Variants in CLTCL1 observed in about 807,000 individuals in gnomAD.
CLTCL1 encodes clathrin heavy chain like 1, also known as clathrin heavy chain 2.
CLTCL1 carries 159 observed loss-of-function variants against 190.0 expected under a neutral mutation model. That is an observed-to-expected ratio of 0.84 (90% CI 0.74 to 0.95). The LOEUF is 0.95. Ranked by LOEUF, CLTCL1 falls within the 40% of genes least tolerant of loss-of-function variation. The pLI, the probability that CLTCL1 is intolerant of heterozygous loss-of-function variation, is 0.00. For missense variants in CLTCL1, 1,878 were observed against 2,033.4 expected (o/e 0.92, Z 1.47); for synonymous variants, 752 against 769.6 (o/e 0.98, Z 0.38).
chr22:19,272,471 T>C (rs1266009733), intron 2 of CLTCL1, among the ~76,000 whole-genome samples: 1 of 152,084 alleles, frequency 6.6e-6, no homozygotes, highest in Non-Finnish European at 1.5e-5. Flanking sequence ...GTTTCGCTCT[T>C]TTTTGTTTGT....
chr22:19,221,572 C>T lies in CLTCL1; in HGVS notation c.2601G>A (p.Gln867=). The change falls in exon 17 of 33, where the codon CAG becomes CAA. Residue 867 remains glutamine (Q), a synonymous_variant. Coordinates refer to ENST00000427926, the MANE Select transcript of CLTCL1 (RefSeq NM_007098.4). ...LLLPWLESQI[Q]EGCEEPATHN... ...GAGTGGCAGGCTCCTCACAGCCTTC[C>T]TGAATCTGGGACTCCAGCCAGGGAA... 1 of 1,599,986 alleles carries T rather than the reference C, an allele frequency of 6.3e-7. No homozygotes were observed. Among genetic ancestry groups the T allele is most frequent in the Non-Finnish European group, 8.5e-7 (1 of 1,173,124 alleles).
rs534309808 is a variant in CLTCL1 at position 19,237,461 on chromosome 22, G to A, written c.796-1592C>T. Among the ~76,000 whole-genome samples the A allele has an allele frequency of 5.3e-5, 8 of 152,276 alleles. No homozygotes were observed. In the East Asian group the frequency reaches 1.3e-3, roughly 26 times the overall value. On this transcript the variant is annotated intron_variant, in intron 5 of 32. Coordinates refer to ENST00000427926, the MANE Select transcript of CLTCL1 (RefSeq NM_007098.4). ...CATGGGATGCTGTCCAGCTACCACCGGCAGCATCAGTAGGAATGTGAACTG... is the reference window on the plus strand; with the variant it reads ...CATGGGATGCTGTCCAGCTACCACCAGCAGCATCAGTAGGAATGTGAACTG...
chr22:19,279,557 T>C (rs943528014), intron 1 of CLTCL1, among the ~76,000 whole-genome samples: 3 of 152,210 alleles, frequency 2.0e-5, no homozygotes, highest in South Asian at 4.1e-4. Flanking sequence ...GCAATCAATA[T>C]GGGCTCACTA....
intron 29 of CLTCL1, among the ~76,000 whole-genome samples, chr22:19,186,325 C>T (rs535338633): frequency 1.3e-5 from 2 of 152,164 alleles, no homozygotes; most frequent in South Asian, 4.2e-4. Context: ...TTGTACAACT[C>T]CACCTCACCC....
intron 19 of CLTCL1, among the ~76,000 whole-genome samples, chr22:19,214,558 T>C (rs1601541112): frequency 6.6e-6 from 1 of 152,328 alleles, no homozygotes; most frequent in African/African-American, 2.4e-5. Context: ...TTAAGTTTAA[T>C]ACAGTCTTAT....
chr22:19,190,596 C>CAAAAAAAAAAAAAAAAAAAAAA (rs55780206), intron 27 of CLTCL1, among the ~76,000 whole-genome samples: 3 of 72,816 alleles, frequency 4.1e-5, no homozygotes, highest in African/African-American at 5.5e-5. Context: ...AAGACTGTCT[C>CAAAAAAAAAAAAAAAAAAAAAA]AAAAAAAAAA....
chr22:19,219,162 T>G (rs2085484677), intron 18 of CLTCL1, among the ~76,000 whole-genome samples: 1 of 127,652 alleles, frequency 7.8e-6, no homozygotes, highest in East Asian at 2.4e-4. Flanking sequence ...AGATGTTTTA[T>G]TTATTTATTT....
chr22:19,270,431 G>C (rs2087271512), intron 2 of CLTCL1, among the ~76,000 whole-genome samples: 1 of 151,934 alleles, frequency 6.6e-6, no homozygotes, highest in Non-Finnish European at 1.5e-5. Context: ...AAATCACCGA[G>C]AAGGAGTGAA....
At chr22:19,228,961 T>C (rs1234841815) in intron 11 of CLTCL1, among the ~76,000 whole-genome samples, 2 of 152,112 alleles carry the variant, frequency 1.3e-5, no homozygotes, top group African/African-American at 4.8e-5. Context: ...TATACAGAAA[T>C]TGGAACAGCT....
At chr22:19,197,853 G>C (rs910467683) in intron 24 of CLTCL1, among the ~76,000 whole-genome samples, 4 of 152,114 alleles carry the variant, frequency 2.6e-5, no homozygotes, top group African/African-American at 4.8e-5. Flanking sequence ...GCCCACCCCT[G>C]TTGGGCAGTC....
chr22:19,254,510 C>T (rs960723167), intron 2 of CLTCL1, among the ~76,000 whole-genome samples: 3 of 152,318 alleles, frequency 2.0e-5, no homozygotes, highest in Admixed American at 2.0e-4. Flanking sequence ...TCTACTGAAG[C>T]AAGCCTCTCT....
intron 2 of CLTCL1, among the ~76,000 whole-genome samples, chr22:19,273,862 C>A (rs564679532): frequency 7.2e-4 from 110 of 152,144 alleles, no homozygotes; most frequent in Non-Finnish European, 1.2e-3. Context: ...AGACACTCCC[C>A]AGTTCCCCAT....
At position 19,221,990 on chromosome 22, in the gene CLTCL1, G is replaced by C. The variant is rs782157355; in HGVS notation, c.2522C>G (p.Ser841Cys). Residue 841 changes from serine to cysteine, a missense_variant, in exon 16 of 33, where the codon TCT becomes TGT. Transcript: ENST00000427926. ...HLIMAVRGQF[S>C]TDELVAEVEK... Reference sequence around the variant, plus strand: ...TACTTCAGCCACCAACTCATCAGTAGAGAACTGTCCTCTCACTGCCATGAT... The same window carrying C: ...TACTTCAGCCACCAACTCATCAGTACAGAACTGTCCTCTCACTGCCATGAT... 3 of 1,613,984 alleles carry C rather than the reference G, an allele frequency of 1.9e-6. No individual in the cohort carries two copies. In the South Asian group the frequency reaches 3.3e-5, roughly 18 times the overall value.
intron 7 of CLTCL1, 24 bp from the exon 8 acceptor site, chr22:19,233,646 T>A: frequency 6.2e-7 from 1 of 1,605,910 alleles, no homozygotes; most frequent in Non-Finnish European, 8.5e-7. Context: ...GAAAAATAGG[T>A]CATTGTGTTG....
rs1311401326 is a variant in CLTCL1, at chr22:19,291,667, C to G, written c.-26G>C. 19 of 1,359,534 alleles carry G rather than the reference C, an allele frequency of 1.4e-5. No individual in the cohort carries two copies. Among genetic ancestry groups the G allele is most frequent in the Non-Finnish European group, 1.8e-5 (19 of 1,043,712 alleles). 84.2% of individuals were successfully genotyped at this position (1,359,534 alleles called of 1,614,324 possible). On this transcript the variant is annotated 5_prime_UTR_variant, in exon 1 of 33. Coordinates refer to ENST00000427926, the MANE Select transcript of CLTCL1 (RefSeq NM_007098.4). ...GGCTGGTGCGGGACCTCGGCGGCGG[C>G]GGCGGCAGCGGCAGGAATGAACGCC... is the stretch of plus-strand genomic sequence containing the variant.
Position 19,201,380 on chromosome 22 carries a change from C to T in CLTCL1, c.3714G>A (p.Gln1238=), listed in dbSNP as rs1555939203. 2 of 1,613,688 alleles carry T rather than the reference C, an allele frequency of 1.2e-6. No homozygotes were observed. Among genetic ancestry groups the T allele is most frequent in the South Asian group, 2.2e-5 (2 of 91,068 alleles). ...ASTLVHLGEY[Q]AAVDNSRKAS... Reference sequence around the variant, plus strand: ...CCTTGCGGCTGTTGTCCACTGCTGCCTGATACTCACCGAGGTGAACCAAGG... The same window carrying T: ...CCTTGCGGCTGTTGTCCACTGCTGCTTGATACTCACCGAGGTGAACCAAGG... The change falls in exon 23 of 33, where the codon CAG becomes CAA. Residue 1238 remains glutamine (Q), a synonymous_variant. Coordinates refer to ENST00000427926, the MANE Select transcript of CLTCL1 (RefSeq NM_007098.4).
intron 3 of CLTCL1, among the ~76,000 whole-genome samples, chr22:19,246,684 C>T (rs1224240377): frequency 6.6e-6 from 1 of 152,160 alleles, no homozygotes; most frequent in Non-Finnish European, 1.5e-5. Context: ...CCATGTTGGT[C>T]AGGCTGGTCT....
intron 13 of CLTCL1, 99 bp downstream of exon 13, chr22:19,225,354 T>G: frequency 7.6e-7 from 1 of 1,308,000 alleles, no homozygotes; most frequent in Non-Finnish European, 1.0e-6. Flanking sequence ...CCTGCCTGGC[T>G]TTGCAGGAAG....
chr22:19,202,398 C>G (rs1555940248), intron 22 of CLTCL1, among the ~76,000 whole-genome samples: 4 of 148,882 alleles, frequency 2.7e-5, no homozygotes, highest in African/African-American at 2.5e-5. Flanking sequence ...CACCAACCCT[C>G]CTTCCGCCAT....
Sources: gnomAD v4.1 joint callset for allele counts (sites outside exome capture counted in the v4.1 genomes callset) on GRCh38, gnomAD v4.1.1 for gene constraint, MANE v1.5 for transcripts, NCBI Gene and HGNC (gene_info 2026-07-23, HGNC 2026-07-21) for gene names.